SLC4A10: variants seen among roughly 807,000 people sequenced by gnomAD.
SLC4A10 encodes the protein sodium-driven chloride bicarbonate exchanger.
SLC4A10 carries 42 observed loss-of-function variants against 137.7 expected under a neutral mutation model. The observed-to-expected ratio is 0.30, with a 90% CI of 0.24 to 0.39. The LOEUF is 0.39. Ranked by LOEUF, SLC4A10 falls within the 10% of genes least tolerant of loss-of-function variation. The probability of loss-of-function intolerance (pLI) is 1.00; values close to 1 mark genes in which losing one functional copy is unlikely to be tolerated. For missense variants in SLC4A10, 925 were observed against 1,355.0 expected, an observed-to-expected ratio of 0.68 and a Z score of 4.98; for synonymous variants, 474 against 464.1, an observed-to-expected ratio of 1.02 and a Z score of -0.27.
intron 1 of SLC4A10, among the ~76,000 whole-genome samples, chr2:161,766,379 T>A (rs537604322): frequency 1.3e-5 from 2 of 152,234 alleles, no homozygotes; most frequent in South Asian, 4.1e-4. Flanking sequence ...TTGTATAAAT[T>A]AAAAATTGAT....
In SLC4A10 at chr2:161,624,488, C is replaced by T. The variant is rs1350149043; in HGVS notation, c.-31C>T. 1 of 1,551,926 alleles carries T rather than the reference C, an allele frequency of 6.4e-7. No individual in the cohort carries two copies. The highest frequency in any genetic ancestry group is 8.7e-7 in the Non-Finnish European group (1 of 1,147,178). ...GTAAGACACTGAAGACACTGCAGAG[C>T]AAGGTGCTTATTCCAGAGGCGTTAC... On this transcript the variant is annotated 5_prime_UTR_variant, in exon 1 of 27. Transcript: ENST00000446997.
At chr2:161,905,003 A>G in intron 14 of SLC4A10, 94 bp downstream of exon 14, 1 of 1,305,060 alleles carries the variant, frequency 7.7e-7, no homozygotes, top group Non-Finnish European at 1.0e-6. Flanking sequence ...GTCTGTTGAT[A>G]GAGACAGAAT....
intron 15 of SLC4A10, among the ~76,000 whole-genome samples, chr2:161,928,814 G>A (rs1019030600): frequency 1.3e-5 from 2 of 151,914 alleles, no homozygotes; most frequent in Non-Finnish European, 2.9e-5. Flanking sequence ...TATGCCATGC[G>A]TATAGCAACT....
chr2:161,688,672 C>CT (rs949669136), intron 1 of SLC4A10, among the ~76,000 whole-genome samples: 3 of 152,082 alleles, frequency 2.0e-5, no homozygotes, highest in Admixed American at 1.3e-4. Context: ...TATGTCCTTT[C>CT]TTTAGTCTTC....
At chr2:161,785,377 C>G (rs1355725836) in intron 2 of SLC4A10, among the ~76,000 whole-genome samples, 1 of 147,700 alleles carries the variant, frequency 6.8e-6, no homozygotes, top group South Asian at 2.1e-4. Flanking sequence ...TTGTATGATG[C>G]CAGCATTACC....
intron 1 of SLC4A10, among the ~76,000 whole-genome samples, chr2:161,679,833 C>T (rs973455530): frequency 4.0e-5 from 6 of 151,686 alleles, no homozygotes; most frequent in African/African-American, 1.5e-4. Context: ...TACTTGTAGT[C>T]ATTCTACTGC....
chr2:161,794,237 C>A (rs1345806998), intron 2 of SLC4A10, among the ~76,000 whole-genome samples: 2 of 152,064 alleles, frequency 1.3e-5, no homozygotes, highest in African/African-American at 4.8e-5. Context: ...CTATTTTCCC[C>A]AACTTACAAA....
At chr2:161,865,627 A>G (rs1284748751) in intron 6 of SLC4A10, among the ~76,000 whole-genome samples, 1 of 152,064 alleles carries the variant, frequency 6.6e-6, no homozygotes, top group Admixed American at 6.6e-5. Flanking sequence ...TTGCATAATT[A>G]TGTGTGTTGA....
chr2:161,845,174 T>A (rs1388602057), intron 4 of SLC4A10, among the ~76,000 whole-genome samples: 1 of 152,136 alleles, frequency 6.6e-6, no homozygotes, highest in Non-Finnish European at 1.5e-5. Flanking sequence ...GATCTGTTCA[T>A]GTCTATCTTT....
intron 5 of SLC4A10, among the ~76,000 whole-genome samples, chr2:161,858,511 C>T (rs1191360208): frequency 6.6e-6 from 1 of 152,080 alleles, no homozygotes; most frequent in Non-Finnish European, 1.5e-5. Flanking sequence ...TAAACTTTAT[C>T]CTTCAAAATA....
intron 1 of SLC4A10, among the ~76,000 whole-genome samples, chr2:161,652,306 C>T (rs749827108): frequency 2.6e-5 from 4 of 152,090 alleles, no homozygotes; most frequent in East Asian, 3.9e-4. Context: ...TTCTTTTACA[C>T]GTTGGGGTAT....
At chr2:161,945,191 T>TGC (rs1204801708) in intron 16 of SLC4A10, among the ~76,000 whole-genome samples, 2 of 17,140 alleles carry the variant, frequency 1.2e-4, no homozygotes, top group African/African-American at 3.2e-4. Flanking sequence ...TGTATATATA[T>TGC]ATATATATAT....
intron 10 of SLC4A10, among the ~76,000 whole-genome samples, chr2:161,888,391 C>T (rs1575470174): frequency 6.6e-6 from 1 of 152,116 alleles, no homozygotes; most frequent in South Asian, 2.1e-4. Flanking sequence ...GGCAGTATGG[C>T]CATTTTCACG....
intron 1 of SLC4A10, among the ~76,000 whole-genome samples, chr2:161,634,258 G>A (rs2034057391): frequency 6.6e-6 from 1 of 151,836 alleles, no homozygotes; most frequent in Non-Finnish European, 1.5e-5. Context: ...GTTAGATTGA[G>A]GTTATGCATT....
In SLC4A10 at chr2:161,913,689, A is replaced by T. The variant is rs1172820991; in HGVS notation, c.1997+7802A>T. Among the ~76,000 whole-genome samples, 3 of 152,000 alleles carry T rather than the reference A, an allele frequency of 2.0e-5. No homozygotes were observed. In the East Asian group the frequency reaches 5.8e-4, roughly 29 times the overall value. ...TTCTGACCTACCAGTAACCAAATGA[A>T]TTATAGTGAAGAGTAGAACCCTTTT... On this transcript the variant is annotated intron_variant, in intron 15 of 26. Transcript: ENST00000446997.
chr2:161,942,644 G>A (rs891829091), intron 15 of SLC4A10, 148 bp from the exon 16 acceptor site: 26 of 613,508 alleles, frequency 4.2e-5, no homozygotes, highest in Non-Finnish European at 7.3e-5. Flanking sequence ...AAAATAGTCT[G>A]TTGTGGAGTA....
At chr2:161,959,623 A>T (rs1173382859) in intron 21 of SLC4A10, among the ~76,000 whole-genome samples, 4 of 152,192 alleles carry the variant, frequency 2.6e-5, no homozygotes, top group Non-Finnish European at 5.9e-5. Flanking sequence ...AGAGAGAGAG[A>T]TAGAGGAGAA....
chr2:161,783,317 A>G lies in SLC4A10; in HGVS notation c.130+12263A>G, dbSNP rs573388615. On this transcript the variant is annotated intron_variant, in intron 2 of 26. Transcript: ENST00000446997. ...TAAAGTCTTTTCCAGACAAACAAAA[A>G]CTAAGGAAGTTCATCACCACCAGAC... Among the ~76,000 whole-genome samples the G allele has an allele frequency of 4.6e-5, 7 of 152,058 alleles. No homozygotes were observed. In the South Asian group the frequency reaches 1.2e-3, roughly 27 times the overall value.
chr2:161,798,674 A>G (rs1430941664), intron 2 of SLC4A10, among the ~76,000 whole-genome samples: 1 of 151,560 alleles, frequency 6.6e-6, no homozygotes, highest in African/African-American at 2.4e-5. Flanking sequence ...TAATGATGAA[A>G]CTGTATTTTG....
Sources: gnomAD v4.1 joint callset for allele counts (sites outside exome capture counted in the v4.1 genomes callset) on GRCh38, gnomAD v4.1.1 for gene constraint, MANE v1.5 for transcripts, NCBI Gene and HGNC (gene_info 2026-07-23, HGNC 2026-07-21) for gene names.